The following SEPTIN11 variants were observed in gnomAD, a reference collection of about 807,000 sequenced individuals.
SEPTIN11 encodes the protein septin-11.
A neutral mutation model predicts 51.4 loss-of-function variants in SEPTIN11; 25 were observed. The ratio of observed to expected loss-of-function variants is 0.49; its 90% CI spans 0.35 to 0.68. SEPTIN11 has a LOEUF of 0.68. Among genes scored for constraint, SEPTIN11 ranks in the 30% least tolerant of loss-of-function variants. The pLI is 0.00. For synonymous variants in SEPTIN11, 174 were observed against 184.1 expected, an observed-to-expected ratio of 0.95 and a Z score of 0.44; for missense variants, 381 against 520.8, an observed-to-expected ratio of 0.73 and a Z score of 2.61.
In SEPTIN11 at chr4:77,036,645, A is replaced by G. The variant is rs1372815220; in HGVS notation, c.*2133A>G. On this transcript the variant is annotated 3_prime_UTR_variant, in exon 10 of 10. Transcript: ENST00000264893. ...GAATAAAAAGTCAAAAGAAACAAATAGAAGCTTTTTTTTTTAAAAAATGTA... is the reference window on the plus strand; with the variant it reads ...GAATAAAAAGTCAAAAGAAACAAATGGAAGCTTTTTTTTTTAAAAAATGTA... 1 of 1,492,654 alleles carries G rather than the reference A, an allele frequency of 6.7e-7. No homozygotes were observed. Among genetic ancestry groups the G allele is most frequent in the East Asian group, 2.5e-5 (1 of 40,068 alleles). 92.5% of individuals were successfully genotyped at this position (1,492,654 alleles called of 1,614,324 possible).
At chr4:77,008,119 C>T (rs1724615992) in intron 3 of SEPTIN11, among the ~76,000 whole-genome samples, 1 of 152,166 alleles carries the variant, frequency 6.6e-6, no homozygotes, top group Non-Finnish European at 1.5e-5. Context: ...GTAAGGTTTC[C>T]TGTTATGTTT....
rs1419425379 is a variant in SEPTIN11, at chr4:77,016,845, GT to G, written c.687+1829del. Among the ~76,000 whole-genome samples the G allele has an allele frequency of 3.3e-5, 5 of 151,298 alleles. No homozygotes were observed. The East Asian group carries it at 7.7e-4, about 23-fold the overall frequency. On this transcript the variant is annotated intron_variant, in intron 5 of 9. Coordinates refer to ENST00000264893, the MANE Select transcript of SEPTIN11 (RefSeq NM_018243.4). ...ATAGAGTATAATAACTATTTATATAGTGTTTACATTGTCTTAGATATTATAA... is the reference window on the plus strand; with the variant it reads ...ATAGAGTATAATAACTATTTATATAGGTTTACATTGTCTTAGATATTATAA...
At position 77,014,942 on chromosome 4, in the gene SEPTIN11, G is replaced by A; in HGVS notation, c.612G>A (p.Leu204=). The A allele has an allele frequency of 6.2e-7, 1 of 1,614,118 alleles. No individual in the cohort carries two copies. Among genetic ancestry groups the A allele is most frequent in the South Asian group, 1.1e-5 (1 of 91,078 alleles). The change falls in exon 5 of 10, where the codon CTG becomes CTA. Residue 204 remains leucine (L), a synonymous_variant. Coordinates refer to ENST00000264893, the MANE Select transcript of SEPTIN11 (RefSeq NM_018243.4). ...HKFKSKIMSE[L]VSNGVQIYQF... ...TCAAGAGTAAGATCATGAGTGAACT[G>A]GTCAGCAATGGGGTCCAGATATATC... is the stretch of plus-strand genomic sequence containing the variant.
chr4:76,958,579 T>TTTTC (rs2109882693), intron 1 of SEPTIN11, among the ~76,000 whole-genome samples: 1 of 152,338 alleles, frequency 6.6e-6, no homozygotes, highest in Middle Eastern at 3.4e-3. Context: ...GGGGCTCGTC[T>TTTTC]TTTCCTTATA....
At chr4:77,038,736 C>CA, downstream of SEPTIN11, 2 of 781,974 alleles carry the variant, frequency 2.6e-6, no homozygotes, top group Non-Finnish European at 3.3e-6. Context: ...GTGTGGTAGA[C>CA]TTCAAATGGC....
intron 1 of SEPTIN11, among the ~76,000 whole-genome samples, chr4:76,956,993 T>TGTGTGTGTGTGTGTGTGTGA (rs769320568): frequency 2.2e-4 from 22 of 98,580 alleles, no homozygotes; most frequent in African/African-American, 6.9e-4. Flanking sequence ...TGTGTGTGTG[T>TGTGTGTGTGTGTGTGTGTGA]GAGAGAGAGA....
chr4:77,000,348 T>C (rs1371217808), intron 2 of SEPTIN11, among the ~76,000 whole-genome samples: 1 of 152,222 alleles, frequency 6.6e-6, no homozygotes, highest in Non-Finnish European at 1.5e-5. Flanking sequence ...GTCTTGTTTT[T>C]CCAGGAAAGG....
intron 2 of SEPTIN11, among the ~76,000 whole-genome samples, chr4:77,004,920 G>A (rs557585898): frequency 2.6e-5 from 4 of 152,212 alleles, no homozygotes; most frequent in Non-Finnish European, 4.4e-5. Flanking sequence ...CCGAGATCGC[G>A]CCACTGTACT....
intron 6 of SEPTIN11, among the ~76,000 whole-genome samples, chr4:77,020,236 C>T (rs543365333): frequency 6.6e-6 from 1 of 152,130 alleles, no homozygotes; most frequent in South Asian, 2.1e-4. Context: ...AGGGTAAAGA[C>T]AATATTTGTT....
chr4:76,989,342 C>G (rs961231452), intron 1 of SEPTIN11, among the ~76,000 whole-genome samples: 1 of 151,872 alleles, frequency 6.6e-6, no homozygotes, highest in Non-Finnish European at 1.5e-5. Flanking sequence ...AATTGTAATA[C>G]CTGATTTTAA....
At chr4:76,956,266 T>G (rs774805087) in intron 1 of SEPTIN11, among the ~76,000 whole-genome samples, 15 of 152,176 alleles carry the variant, frequency 9.9e-5, no homozygotes, top group Non-Finnish European at 1.9e-4. Flanking sequence ...GTCAAGACAA[T>G]TATCTCACCT....
chr4:76,982,911 C>T (rs992960495), intron 1 of SEPTIN11, among the ~76,000 whole-genome samples: 1 of 151,928 alleles, frequency 6.6e-6, no homozygotes, highest in African/African-American at 2.4e-5. Context: ...TCTTTTTTCT[C>T]CTGGAGACAG....
intron 6 of SEPTIN11, among the ~76,000 whole-genome samples, chr4:77,019,801 T>C (rs529183339): frequency 6.6e-6 from 1 of 152,316 alleles, no homozygotes; most frequent in African/African-American, 2.4e-5. Flanking sequence ...ACTCTTATGT[T>C]CTGAAGGAGG....
At chr4:77,001,987 C>G (rs1188062893) in intron 2 of SEPTIN11, among the ~76,000 whole-genome samples, 1 of 152,120 alleles carries the variant, frequency 6.6e-6, no homozygotes, top group Non-Finnish European at 1.5e-5. Context: ...AGAAAAAAAG[C>G]TAATGCATTG....
chr4:77,024,236 T>G lies in SEPTIN11; in HGVS notation c.953+3566T>G, dbSNP rs1239844915. Among the ~76,000 whole-genome samples the G allele has an allele frequency of 6.6e-6, 1 of 152,092 alleles. No homozygotes were observed. The highest frequency in any genetic ancestry group is 1.5e-5 in the Non-Finnish European group (1 of 68,012). On this transcript the variant is annotated intron_variant, in intron 7 of 9. Transcript: ENST00000264893. The surrounding 1 kb of genome is among the most constrained non-coding windows in gnomAD (Gnocchi z 4.2). ...AGCGGAGCCCGTCCCTGGGGTGCCT[T>G]TAAACCCGCCTGCATTCACACTTGC... is the stretch of plus-strand genomic sequence containing the variant.
rs377598162 is a variant in SEPTIN11, at chr4:77,018,189, C to T, written c.688-976C>T. Among the ~76,000 whole-genome samples, 128 of 149,900 alleles carry T rather than the reference C, an allele frequency of 8.5e-4. 1 individual carries two copies. Among genetic ancestry groups the T allele is most frequent in the African/African-American group, 2.9e-3 (114 of 39,348 alleles). On this transcript the variant is annotated intron_variant, in intron 5 of 9. Transcript: ENST00000264893. ...GCACGGTGACTCACGCCAGCACTTT[C>T]GGAGTAATCCCAGCACTTTCGGAGG...
At chr4:76,995,978 C>T (rs986466853) in intron 1 of SEPTIN11, 1 of 1,518,158 alleles carries the variant, frequency 6.6e-7, no homozygotes, top group Non-Finnish European at 8.8e-7. Flanking sequence ...AGTATGAATC[C>T]TCCACTGTGA....
intron 1 of SEPTIN11, among the ~76,000 whole-genome samples, chr4:76,951,365 C>T (rs1721335658): frequency 6.6e-6 from 1 of 152,134 alleles, no homozygotes. Flanking sequence ...AATGACATGG[C>T]TCTTTTAAGA....
chr4:76,975,411 C>T (rs1722450731), intron 1 of SEPTIN11, among the ~76,000 whole-genome samples: 1 of 152,008 alleles, frequency 6.6e-6, no homozygotes, highest in South Asian at 2.1e-4. Context: ...AACTTCAATC[C>T]GCTTCTATTA....
Sources: gnomAD v4.1 joint callset for allele counts (sites outside exome capture counted in the v4.1 genomes callset) on GRCh38, gnomAD v4.1.1 for gene constraint, Gnocchi (gnomAD v3.1) non-coding constraint, MANE v1.5 for transcripts, NCBI Gene and HGNC (gene_info 2026-07-23, HGNC 2026-07-21) for gene names.